The following DEFB106B variants were observed in gnomAD, a reference collection of about 807,000 sequenced individuals.
DEFB106B encodes the protein beta-defensin 106.
chr8:7,484,865 C>G (rs1456251008), intron 1 of DEFB106B, among the ~76,000 whole-genome samples: 3 of 46,668 alleles, frequency 6.4e-5, no homozygotes, highest in African/African-American at 1.7e-4. Flanking sequence ...GAGTGAGACT[C>G]TATCTCAAAA....
chr8:7,484,303 T>C (rs1811399517), intron 1 of DEFB106B, among the ~76,000 whole-genome samples: 1 of 146,764 alleles, frequency 6.8e-6, no homozygotes, highest in Non-Finnish European at 1.5e-5. Flanking sequence ...TATACTAGTA[T>C]ATACACTATA....
intron 1 of DEFB106B, among the ~76,000 whole-genome samples, chr8:7,484,253 A>G (rs934122730): frequency 7.7e-6 from 1 of 130,304 alleles, no homozygotes; most frequent in African/African-American, 3.0e-5. Context: ...ATACTAGTGT[A>G]TTATACTAGT....
intron 1 of DEFB106B, among the ~76,000 whole-genome samples, chr8:7,484,408 T>C (rs1811408231): frequency 2.0e-5 from 3 of 148,300 alleles, no homozygotes; most frequent in Admixed American, 1.4e-4. Flanking sequence ...TGTATTATAC[T>C]AGTATATACA....
At chr8:7,483,828 AG>A (rs1436683880) in intron 1 of DEFB106B, among the ~76,000 whole-genome samples, 1 of 133,492 alleles carries the variant, frequency 7.5e-6, no homozygotes, top group African/African-American at 3.0e-5. Flanking sequence ...ATCATAGTAT[AG>A]ATTAGTATAT....
intron 1 of DEFB106B, among the ~76,000 whole-genome samples, chr8:7,483,776 A>G (rs1284355997): frequency 7.8e-6 from 1 of 128,214 alleles, no homozygotes; most frequent in African/African-American, 3.2e-5. Flanking sequence ...ACCATAGACT[A>G]TAGTGTGGTA....
intron 1 of DEFB106B, among the ~76,000 whole-genome samples, chr8:7,485,406 G>A (rs1423167168): frequency 1.3e-5 from 2 of 150,990 alleles, no homozygotes; most frequent in East Asian, 2.0e-4. Context: ...CCAGAGCTAT[G>A]AGCAGCTGAT....
At chr8:7,484,922 C>A in intron 1 of DEFB106B, among the ~76,000 whole-genome samples, 2 of 90,460 alleles carry the variant, frequency 2.2e-5, no homozygotes, top group East Asian at 2.9e-4. Context: ...TATACTAGTA[C>A]AATACTATAT....
At position 7,484,847 on chromosome 8, in the gene DEFB106B, G is replaced by A. The variant is rs1304892307; in HGVS notation, c.49+1487C>T. Among the ~76,000 whole-genome samples, 20 of 79,404 alleles carry A rather than the reference G, an allele frequency of 2.5e-4. 1 individual carries two copies. The highest frequency in any genetic ancestry group is 4.2e-4 in the Non-Finnish European group (17 of 40,686). 52.1% of individuals were successfully genotyped at this position (79,404 alleles called of 152,430 possible). ...AGATTGTGAAACTGCACTCCAGCCC[G>A]GGGAACAGAGTGAGACTCTATCTCA... On this transcript the variant is annotated intron_variant, in intron 1 of 1. Coordinates refer to ENST00000335479, the MANE Select transcript of DEFB106B (RefSeq NM_001040704.2).
rs1268263570 is a variant in DEFB106B, at chr8:7,484,399, GTAT to G, written c.50-1650_50-1648del. On this transcript the variant is annotated intron_variant, in intron 1 of 1. Coordinates refer to ENST00000335479, the MANE Select transcript of DEFB106B (RefSeq NM_001040704.2). ...TATATACACTATACTATATACTTGT[GTAT>G]TATACTAGTATATACACTATACTAT... 1.7e-4 allele frequency among the ~76,000 whole-genome samples: 25 copies of G among 147,854 alleles called. No homozygotes were observed. The South Asian group carries it at 5.3e-3, about 31-fold the overall frequency.
intron 1 of DEFB106B, among the ~76,000 whole-genome samples, chr8:7,483,973 GTATAC>G (rs1335744850): frequency 8.1e-6 from 1 of 123,984 alleles, no homozygotes; most frequent in Non-Finnish European, 1.6e-5. Context: ...TATTATACTA[GTATAC>G]TATACTATAT....
chr8:7,483,764 A>G (rs1202937967), intron 1 of DEFB106B, among the ~76,000 whole-genome samples: 1 of 118,152 alleles, frequency 8.5e-6, no homozygotes, highest in Non-Finnish European at 1.7e-5. Context: ...ATATAATACT[A>G]TACCATAGAC....
intron 1 of DEFB106B, among the ~76,000 whole-genome samples, chr8:7,484,461 C>T (rs1238885900): frequency 7.1e-6 from 1 of 141,412 alleles, no homozygotes; most frequent in African/African-American, 2.7e-5. Context: ...GTATACTATG[C>T]TATATACTAG....
chr8:7,484,930 T>C (rs1811439893), intron 1 of DEFB106B, among the ~76,000 whole-genome samples: 2 of 93,174 alleles, frequency 2.1e-5, no homozygotes, highest in Middle Eastern at 5.6e-3. Flanking sequence ...TACAATACTA[T>C]ATAGTATATA....
chr8:7,484,886 AT>A (rs1174985371), intron 1 of DEFB106B, among the ~76,000 whole-genome samples: 10,489 of 36,152 alleles, frequency 0.29, 1,115 homozygotes, highest in Non-Finnish European at 0.36. Flanking sequence ...AAAAAAAAAA[AT>A]ATGTATATAT....
intron 1 of DEFB106B, among the ~76,000 whole-genome samples, chr8:7,484,151 G>A (rs1443126038): frequency 7.5e-6 from 1 of 134,078 alleles, no homozygotes; most frequent in East Asian, 2.3e-4. Context: ...TATTATAATA[G>A]TATATATACT....
In DEFB106B at chr8:7,484,276, AC is replaced by A. The variant is rs550889276; in HGVS notation, c.50-1525del. ...GTATTATACTAGTATAATACACTAT[AC>A]TATATGCTAGAGTATTATACTAGTA... On this transcript the variant is annotated intron_variant, in intron 1 of 1. Transcript: ENST00000335479. 1.2e-4 allele frequency among the ~76,000 whole-genome samples: 17 copies of A among 140,606 alleles called. No homozygotes were observed. In the South Asian group the frequency reaches 3.9e-3, roughly 32 times the overall value. The allele number at this position is 140,606 out of a possible 152,430, so 92.2% of individuals were successfully genotyped here.
intron 1 of DEFB106B, among the ~76,000 whole-genome samples, chr8:7,484,464 T>C (rs2128880587): frequency 7.1e-6 from 1 of 140,902 alleles, no homozygotes; most frequent in Non-Finnish European, 1.5e-5. Flanking sequence ...TACTATGCTA[T>C]ATACTAGAGT....
rs775001136 is a variant in DEFB106B at position 7,484,890 on chromosome 8, G to GTATA, written c.49+1440_49+1443dup. On this transcript the variant is annotated intron_variant, in intron 1 of 1. Coordinates refer to ENST00000335479, the MANE Select transcript of DEFB106B (RefSeq NM_001040704.2). ...CTATCTCAAAAAAAAAAAAAAATAT[G>GTATA]TATATATATATATATAAAATATATA... Among the ~76,000 whole-genome samples the GTATA allele has an allele frequency of 2.7e-3, 214 of 78,358 alleles. 8 individuals carry two copies. The highest frequency in any genetic ancestry group is 5.8e-3 in the African/African-American group (115 of 19,832). 51.4% of individuals were successfully genotyped at this position (78,358 alleles called of 152,430 possible). A position where few individuals can be genotyped will look rare whatever the true frequency, so the allele number is the denominator to read the frequency against.
chr8:7,484,135 C>A (rs1455795666), intron 1 of DEFB106B, among the ~76,000 whole-genome samples: 1 of 136,590 alleles, frequency 7.3e-6, no homozygotes. Context: ...ATACTATATA[C>A]TAGAGTATTA....
Sources: allele counts gnomAD v4.1 joint callset (sites outside exome capture counted in the v4.1 genomes callset), GRCh38; gene constraint gnomAD v4.1.1; transcripts MANE v1.5; gene names NCBI Gene and HGNC (gene_info 2026-07-23, HGNC 2026-07-21).